The following SCN9A variants were observed in gnomAD, a reference collection of about 807,000 sequenced individuals.
SCN9A encodes the protein sodium voltage-gated channel alpha subunit 9, also known as sodium channel protein type 9 subunit alpha.
In SCN9A, 131 loss-of-function variants were observed where a neutral mutation model predicts 187.0. The observed-to-expected ratio is 0.70, with a 90% confidence interval of 0.61 to 0.81. The LOEUF is 0.81. SCN9A is among the 30% of genes least tolerant of loss of function. The pLI is 0.00. For synonymous variants in SCN9A, 809 were observed against 808.6 expected (o/e 1.00, Z -0.01); for missense variants, 2,252 against 2,396.6 (o/e 0.94, Z 1.26).
At chr2:166,211,515 G>A (rs1694092348) in intron 24 of SCN9A, among the ~76,000 whole-genome samples, 1 of 68,384 alleles carries the variant, frequency 1.5e-5, no homozygotes, top group African/African-American at 4.9e-5. Context: ...TACTCTAATA[G>A]TATTATATAA....
chr2:166,263,536 C>T (rs1432590088), intron 17 of SCN9A, among the ~76,000 whole-genome samples: 1 of 151,972 alleles, frequency 6.6e-6, no homozygotes, highest in Non-Finnish European at 1.5e-5. Context: ...CTGTATTTCC[C>T]CTACCTCCTC....
intron 17 of SCN9A, among the ~76,000 whole-genome samples, chr2:166,264,320 G>A (rs1377438766): frequency 6.6e-6 from 1 of 151,902 alleles, no homozygotes; most frequent in Non-Finnish European, 1.5e-5. Context: ...TGTTTGGAGT[G>A]TGCTTGGAGG....
chr2:166,354,454 A>G (rs1476547397), intron 1 of SCN9A, among the ~76,000 whole-genome samples: 2 of 152,142 alleles, frequency 1.3e-5, no homozygotes, highest in Non-Finnish European at 2.9e-5. Flanking sequence ...AAAATTCTCT[A>G]ATTTGGGATT....
intron 1 of SCN9A, among the ~76,000 whole-genome samples, chr2:166,369,712 T>C (rs932866299): frequency 4.6e-5 from 7 of 152,230 alleles, no homozygotes; most frequent in African/African-American, 1.4e-4. Flanking sequence ...CAATAAAGCA[T>C]TTAATTCATC....
Position 166,311,740 on chromosome 2 carries a change from G to A in SCN9A, c.17C>T (p.Pro6Leu). MAMLPPPGPQSFVHFT... is the reference protein window; with the variant it reads MAMLPLPGPQSFVHFT... ...ATGGACAAAGCTCTGAGGTCCTGGG[G>A]GAGGCAACATTGCCATCTTTTCATC... Residue 6 changes from proline to leucine, a missense_variant, in exon 2 of 27, where the codon CCC becomes CTC. Pro to Leu is a moderately conservative substitution (Grantham distance 98). This residue lies in a region of SCN9A where 1,013 missense variants were observed against 997.4 expected (regional missense o/e 1.02). Coordinates refer to ENST00000642356, the MANE Select transcript of SCN9A (RefSeq NM_001365536.1). 6.2e-7 allele frequency: 1 copy of A among 1,603,822 alleles called. No individual in the cohort carries two copies. The highest frequency in any genetic ancestry group is 2.2e-5 in the East Asian group (1 of 44,758).
chr2:166,337,317 T>C (rs1405778384), intron 1 of SCN9A, among the ~76,000 whole-genome samples: 2 of 151,986 alleles, frequency 1.3e-5, no homozygotes, highest in Admixed American at 6.6e-5. Context: ...GGAAGAAAAA[T>C]GATAAATCCA....
At chr2:166,263,990 G>A (rs1696626452) in intron 17 of SCN9A, among the ~76,000 whole-genome samples, 1 of 151,966 alleles carries the variant, frequency 6.6e-6, no homozygotes, top group Non-Finnish European at 1.5e-5. Flanking sequence ...AATTTCTGTT[G>A]TTGTAAGCCA....
intron 21 of SCN9A, among the ~76,000 whole-genome samples, chr2:166,231,286 C>T (rs535545149): frequency 1.4e-4 from 21 of 152,244 alleles, no homozygotes; most frequent in Non-Finnish European, 2.5e-4. Context: ...TAATTTTCAA[C>T]TTGTAGATAG....
Position 166,198,856 on chromosome 2 carries a change from T to C in SCN9A, c.5783A>G (p.Asn1928Ser), listed in dbSNP as rs1412831204. 5.6e-6 allele frequency: 9 copies of C among 1,613,764 alleles called. No homozygotes were observed. Among genetic ancestry groups the C allele is most frequent in the South Asian group, 1.1e-5 (1 of 91,078 alleles). Residue 1928 changes from asparagine (N) to serine (S), a missense_variant, in exon 27 of 27, where the codon AAT (asparagine) becomes AGT (serine). Physicochemically the swap from Asn to Ser is conservative, Grantham distance 46. Transcript: ENST00000642356. Reference sequence around the variant, plus strand: ...ATTATCAAAAGCCATATCTTTTTTATTGAGTAAATCATCATCTCTGTCTCC... The same window carrying C: ...ATTATCAAAAGCCATATCTTTTTTACTGAGTAAATCATCATCTCTGTCTCC... ...KDGDRDDDLL[N>S]KKDMAFDNVN...
chr2:166,327,048 TTC>T (rs1446739563), intron 1 of SCN9A, among the ~76,000 whole-genome samples: 2 of 152,196 alleles, frequency 1.3e-5, no homozygotes, highest in Non-Finnish European at 2.9e-5. Flanking sequence ...TCTTGAGAAT[TTC>T]TGTCTTATTT....
At chr2:166,287,405 A>T (rs999204424) in intron 10 of SCN9A, among the ~76,000 whole-genome samples, 1 of 152,130 alleles carries the variant, frequency 6.6e-6, no homozygotes, top group African/African-American at 2.4e-5. Context: ...AAAAAAACAC[A>T]TAGTTCTATG....
intron 20 of SCN9A, 77 bp downstream of exon 20, chr2:166,238,013 AATAT>A: frequency 2.1e-6 from 2 of 931,144 alleles, no homozygotes; most frequent in Non-Finnish European, 3.3e-6. Context: ...AAAATATGAT[AATAT>A]GCAATAGTGG....
chr2:166,208,976 A>G (rs1693951022), intron 24 of SCN9A, among the ~76,000 whole-genome samples: 1 of 152,200 alleles, frequency 6.6e-6, no homozygotes, highest in Non-Finnish European at 1.5e-5. Flanking sequence ...TGTCCTTGCC[A>G]TTCAGTGTGC....
intron 1 of SCN9A, among the ~76,000 whole-genome samples, chr2:166,367,558 C>T (rs1700448331): frequency 6.6e-6 from 1 of 152,210 alleles, no homozygotes; most frequent in Non-Finnish European, 1.5e-5. Flanking sequence ...AGCCACCGCG[C>T]CTGGCCCACC....
chr2:166,251,285 A>T (rs1171243736), intron 18 of SCN9A, among the ~76,000 whole-genome samples: 1 of 152,102 alleles, frequency 6.6e-6, no homozygotes, highest in Admixed American at 6.6e-5. Context: ...AAATAGAGAG[A>T]GGAACTCAGA....
rs200541339 is a variant in SCN9A at position 166,213,493 on chromosome 2, AATG to A, written c.4399-9032_4399-9030del. 8.5e-3 allele frequency among the ~76,000 whole-genome samples: 1,246 copies of A among 147,378 alleles called. 14 individuals are homozygous for A. The highest frequency in any genetic ancestry group is 0.029 in the African/African-American group (1,175 of 40,176). On this transcript the variant is annotated intron_variant, in intron 24 of 26. Transcript: ENST00000642356. Reference sequence around the variant, plus strand: ...TAATAATAATAATAATAATAATAATAATGATAATGATAGTAACTCCCAAAAAAG... The same window carrying A: ...TAATAATAATAATAATAATAATAATAATAATGATAGTAACTCCCAAAAAAG...
chr2:166,311,404 G>A (rs1396416082), intron 2 of SCN9A, 95 bp downstream of exon 2: 3 of 550,874 alleles, frequency 5.4e-6, no homozygotes, highest in Non-Finnish European at 7.6e-6. Context: ...GTCATGATAT[G>A]GTTATTCACT....
intron 1 of SCN9A, among the ~76,000 whole-genome samples, chr2:166,372,310 G>T (rs568161057): frequency 6.6e-6 from 1 of 152,238 alleles, no homozygotes; most frequent in African/African-American, 2.4e-5. Context: ...AATTTAGACC[G>T]TGTGGAAACC....
At chr2:166,250,075 C>T (rs754720069) in intron 18 of SCN9A, among the ~76,000 whole-genome samples, 6 of 152,124 alleles carry the variant, frequency 3.9e-5, no homozygotes, top group Non-Finnish European at 4.4e-5. Context: ...ATGTCGTACA[C>T]CTTTGCTTCT....
Sources: allele counts gnomAD v4.1 joint callset (sites outside exome capture counted in the v4.1 genomes callset), GRCh38; gene constraint gnomAD v4.1.1; regional missense constraint gnomAD v4.1.1; transcripts MANE v1.5; gene names NCBI Gene and HGNC (gene_info 2026-07-23, HGNC 2026-07-21).